Variants in NPHP4 observed in about 807,000 individuals in gnomAD.
NPHP4 encodes the protein nephrocystin 4, also known as nephrocystin-4.
A neutral mutation model predicts 155.8 loss-of-function variants in NPHP4; 151 were observed. The ratio of observed to expected loss-of-function variants is 0.97; its 90% CI spans 0.85 to 1.11. The LOEUF is 1.11. Ranked by LOEUF, NPHP4 falls within the 50% of genes least tolerant of loss-of-function variation. The pLI is 0.00. For missense variants in NPHP4, 1,956 were observed against 1,925.7 expected (o/e 1.02, Z -0.29); for synonymous variants, 845 against 816.8 (o/e 1.03, Z -0.59).
intron 9 of NPHP4, among the ~76,000 whole-genome samples, chr1:5,941,335 G>C (rs550094346): frequency 7.1e-6 from 1 of 141,504 alleles, no homozygotes; most frequent in South Asian, 2.3e-4. Context: ...AACATTGCAC[G>C]AGGAGAAAAT....
intron 1 of NPHP4, among the ~76,000 whole-genome samples, chr1:5,991,235 G>GC (rs1394652274): frequency 6.6e-6 from 1 of 151,998 alleles, no homozygotes; most frequent in Non-Finnish European, 1.5e-5. Context: ...CCTACCCTGC[G>GC]CCCGGGAGAA....
chr1:5,947,401 A>C (rs1438514444), intron 8 of NPHP4, among the ~76,000 whole-genome samples, 171 bp from the exon 9 acceptor site: 2 of 152,210 alleles, frequency 1.3e-5, no homozygotes, highest in Non-Finnish European at 2.9e-5. Context: ...ATGATTCAGA[A>C]ATTCCCCAAA....
At chr1:5,990,247 C>A (rs1351171308) in intron 1 of NPHP4, among the ~76,000 whole-genome samples, 1 of 152,212 alleles carries the variant, frequency 6.6e-6, no homozygotes, top group Non-Finnish European at 1.5e-5. Context: ...CACGCTTCAC[C>A]AGGGCTGTGC....
intron 11 of NPHP4, among the ~76,000 whole-genome samples, chr1:5,918,092 C>G (rs1336996199): frequency 6.6e-6 from 1 of 152,064 alleles, no homozygotes; most frequent in Middle Eastern, 3.2e-3. Flanking sequence ...GACTAATACC[C>G]TCTAAGAACA....
intron 23 of NPHP4, among the ~76,000 whole-genome samples, chr1:5,869,980 T>C (rs112464559): frequency 6.6e-6 from 1 of 152,242 alleles, no homozygotes; most frequent in Non-Finnish European, 1.5e-5. Context: ...CTATACATCA[T>C]ATATGCATGA....
intron 6 of NPHP4, among the ~76,000 whole-genome samples, chr1:5,955,009 G>C (rs1410529976): frequency 6.6e-6 from 1 of 151,292 alleles, no homozygotes; most frequent in African/African-American, 2.4e-5. Flanking sequence ...GAATACATAA[G>C]GAATTTAAGC....
At position 5,863,971 on chromosome 1, in the gene NPHP4, G is replaced by A. The variant is rs1379594533; in HGVS notation, c.4059C>T (p.Thr1353=). ...GKGVNKRITY[T]NPYPSRRTFH... is the part of the protein sequence containing the mutation. ...ATGTCCTCCGGGAGGGGTAGGGGTT[G>A]GTGTAGGTGATCCTCTTGTTGACAC... The change falls in exon 29 of 30, where the codon ACC becomes ACT. Residue 1353 remains threonine (T), a synonymous_variant. Transcript: ENST00000378156. 1.9e-6 allele frequency: 3 copies of A among 1,613,702 alleles called. No homozygotes were observed. Among genetic ancestry groups the A allele is most frequent in the Non-Finnish European group, 2.5e-6 (3 of 1,179,784 alleles).
At chr1:5,916,428 T>C (rs1645476216) in intron 11 of NPHP4, among the ~76,000 whole-genome samples, 1 of 152,216 alleles carries the variant, frequency 6.6e-6, no homozygotes, top group Non-Finnish European at 1.5e-5. Context: ...TGAGAGGCAA[T>C]GTCTTCCAAT....
At chr1:5,949,659 C>T (rs1443801887) in intron 7 of NPHP4, among the ~76,000 whole-genome samples, 1 of 151,848 alleles carries the variant, frequency 6.6e-6, no homozygotes, top group Non-Finnish European at 1.5e-5. Flanking sequence ...TCAGAGGACC[C>T]CGTCCAGACC....
intron 22 of NPHP4, 104 bp downstream of exon 22, chr1:5,874,367 T>C (rs1230499560): frequency 7.8e-6 from 9 of 1,149,272 alleles, no homozygotes; most frequent in African/African-American, 1.6e-5. Flanking sequence ...AAGGCTAGTC[T>C]GTCTGCACAG....
intron 19 of NPHP4, chr1:5,879,775 G>GCACACACACACACACA: frequency 3.0e-6 from 1 of 328,260 alleles, no homozygotes; most frequent in Admixed American, 4.1e-5. Context: ...CACGAATGGT[G>GCACACACACACACACA]CGCACACACA....
At chr1:5,928,985 G>T (rs977009464) in intron 10 of NPHP4, among the ~76,000 whole-genome samples, 16 of 152,074 alleles carry the variant, frequency 1.1e-4, no homozygotes, top group African/African-American at 3.9e-4. Flanking sequence ...ACTAGCAAAA[G>T]GACAGTTTTA....
chr1:5,869,350 A>G (rs1020895038), intron 23 of NPHP4, among the ~76,000 whole-genome samples: 74 of 149,642 alleles, frequency 4.9e-4, no homozygotes, highest in African/African-American at 1.8e-3. Context: ...ACATGCACGC[A>G]CACACACACA....
In NPHP4 at chr1:5,969,087, C is replaced by A. The variant is rs1423740705; in HGVS notation, c.452G>T (p.Arg151Met). Reference protein sequence around the residue: ...DSPISASQDKRLRLYHGTPRA... With the variant: ...DSPISASQDKMLRLYHGTPRA... ...AGGGTTGTAGAAACAAGGCAGGTAC[C>A]TTTTGTCCTGGGAAGCAGAGATAGG... Residue 151 changes from arginine to methionine, a missense_variant and splice_region_variant, in exon 4 of 30, where the codon AGG (arginine) becomes ATG (methionine). Transcript: ENST00000378156. The A allele has an allele frequency of 2.6e-6, 4 of 1,546,262 alleles. No individual in the cohort carries two copies. The highest frequency in any genetic ancestry group is 3.5e-6 in the Non-Finnish European group (4 of 1,142,780).
chr1:5,900,110 G>A (rs1157958371), intron 16 of NPHP4, among the ~76,000 whole-genome samples: 2 of 152,174 alleles, frequency 1.3e-5, no homozygotes, highest in Non-Finnish European at 2.9e-5. Flanking sequence ...TTCACTGCTG[G>A]TGGGAATGCA....
intron 9 of NPHP4, among the ~76,000 whole-genome samples, chr1:5,935,462 A>C (rs1209414692): frequency 6.6e-6 from 1 of 152,268 alleles, no homozygotes; most frequent in East Asian, 1.9e-4. Flanking sequence ...AACATTTGCC[A>C]AATACAAAAA....
At chr1:5,926,499 C>A (rs1481341469) in intron 11 of NPHP4, among the ~76,000 whole-genome samples, 1 of 152,184 alleles carries the variant, frequency 6.6e-6, no homozygotes, top group Non-Finnish European at 1.5e-5. Flanking sequence ...TGAACACGTA[C>A]AGACTCTTTT....
chr1:5,877,696 G>A (rs1642764817), intron 19 of NPHP4, among the ~76,000 whole-genome samples: 1 of 152,210 alleles, frequency 6.6e-6, no homozygotes, highest in African/African-American at 2.4e-5. Flanking sequence ...ATGGGGGTAA[G>A]GGGTTGTCCC....
intron 16 of NPHP4, among the ~76,000 whole-genome samples, chr1:5,894,846 G>T (rs1644312746): frequency 6.6e-6 from 1 of 152,142 alleles, no homozygotes; most frequent in East Asian, 1.9e-4. Flanking sequence ...CAGTAGAAAT[G>T]AACAGATGGA....
Sources: gnomAD v4.1 joint callset for allele counts (sites outside exome capture counted in the v4.1 genomes callset) on GRCh38, gnomAD v4.1.1 for gene constraint, MANE v1.5 for transcripts, NCBI Gene and HGNC (gene_info 2026-07-23, HGNC 2026-07-21) for gene names.